The following SAMD12 variants were observed in gnomAD, a reference collection of about 807,000 sequenced individuals.
The protein encoded by SAMD12 is sterile alpha motif domain-containing protein 12.
A neutral mutation model predicts 15.0 loss-of-function variants in SAMD12; 9 were observed. The observed-to-expected ratio is 0.60, with a 90% CI of 0.36 to 1.05. SAMD12 has a LOEUF of 1.05. Among genes scored for constraint, SAMD12 ranks in the 50% least tolerant of loss-of-function variants. The pLI is 0.01. For missense variants in SAMD12, 230 were observed against 234.2 expected, an observed-to-expected ratio of 0.98 and a Z score of 0.12; for synonymous variants, 86 against 90.1, an observed-to-expected ratio of 0.96 and a Z score of 0.25.
intron 3 of SAMD12, among the ~76,000 whole-genome samples, chr8:118,419,695 C>T (rs1217752729): frequency 6.6e-6 from 1 of 152,142 alleles, no homozygotes; most frequent in Non-Finnish European, 1.5e-5. Flanking sequence ...TTTCTATGTG[C>T]TGAACTGATC....
chr8:118,433,244 C>T (rs1006843157), intron 3 of SAMD12, among the ~76,000 whole-genome samples: 2 of 152,304 alleles, frequency 1.3e-5, no homozygotes, highest in East Asian at 1.9e-4. Context: ...AGAGGCAGTG[C>T]TCAGTTGTGC....
chr8:118,543,690 C>T (rs1310189555), intron 2 of SAMD12, among the ~76,000 whole-genome samples: 1 of 131,740 alleles, frequency 7.6e-6, no homozygotes, highest in Non-Finnish European at 1.5e-5. Context: ...TTATGTGTGG[C>T]CCAAGACAAC....
Position 118,620,122 on chromosome 8 carries a change from T to A in SAMD12, c.13+1682A>T, listed in dbSNP as rs141564134. ...CTGGCTTCACTGGTGTAATCACCCA[T>A]CACGCAAGAAATAAGACAAATTTAT... is the stretch of plus-strand genomic sequence containing the variant. On this transcript the variant is annotated intron_variant, in intron 1 of 3. Transcript: ENST00000314727. 3.3e-5 allele frequency among the ~76,000 whole-genome samples: 5 copies of A among 152,282 alleles called. No homozygotes were observed. In the East Asian group the frequency reaches 9.7e-4, roughly 29 times the overall value.
chr8:118,215,668 C>T (rs13280824), intron 4 of SAMD12, among the ~76,000 whole-genome samples: 77,860 of 148,894 alleles, frequency 0.52, 21,626 homozygotes, highest in Non-Finnish European at 0.62. Flanking sequence ...CCTGTGTCCA[C>T]GTGATCTCAT....
chr8:118,434,158 C>A (rs1244673529), intron 3 of SAMD12, among the ~76,000 whole-genome samples: 4 of 152,008 alleles, frequency 2.6e-5, no homozygotes, highest in African/African-American at 9.7e-5. Flanking sequence ...TCAGAACTGC[C>A]CAATTTCAAG....
chr8:118,176,940 T>C, the SAMD12 span, among the ~76,000 whole-genome samples: 10 of 152,302 alleles, frequency 6.6e-5, no homozygotes, highest in Admixed American at 2.0e-4. Context: ...AAAGTGGTCA[T>C]TTGGGTGATG....
intron 1 of SAMD12, among the ~76,000 whole-genome samples, chr8:118,596,889 A>G (rs775901824): frequency 2.0e-5 from 3 of 152,238 alleles, no homozygotes; most frequent in Non-Finnish European, 4.4e-5. Context: ...AAAACTGCAC[A>G]CAGAGCATTG....
intron 4 of SAMD12, among the ~76,000 whole-genome samples, chr8:118,364,957 G>A (rs1818694082): frequency 2.0e-5 from 3 of 151,934 alleles, no homozygotes; most frequent in Admixed American, 6.6e-5. Context: ...TAGATGTCTT[G>A]CCCCCTGTCT....
the SAMD12 span, among the ~76,000 whole-genome samples, chr8:118,135,974 A>C: frequency 5.3e-5 from 8 of 150,884 alleles, no homozygotes; most frequent in Admixed American, 5.3e-4. Flanking sequence ...CTTTGTCCCC[A>C]CTTTGTCTCC....
intron 4 of SAMD12, among the ~76,000 whole-genome samples, chr8:118,329,647 CA>C (rs1232182820): frequency 2.0e-5 from 3 of 152,186 alleles, no homozygotes; most frequent in Non-Finnish European, 4.4e-5. Flanking sequence ...CTAGTGTAAA[CA>C]ATGTACTGCG....
chr8:118,419,165 C>G (rs1821872976), intron 3 of SAMD12, among the ~76,000 whole-genome samples: 1 of 151,226 alleles, frequency 6.6e-6, no homozygotes, highest in Admixed American at 6.6e-5. Flanking sequence ...ATTGACAAAG[C>G]AAAAATGATG....
chr8:118,333,085 A>G (rs1295539583), intron 4 of SAMD12, among the ~76,000 whole-genome samples: 1 of 152,156 alleles, frequency 6.6e-6, no homozygotes, highest in African/African-American at 2.4e-5. Flanking sequence ...ACTCACACAC[A>G]GTTATCGCAG....
In SAMD12 at chr8:118,522,952, T is replaced by C. The variant is rs186489053; in HGVS notation, c.192+57763A>G. 2.1e-3 allele frequency among the ~76,000 whole-genome samples: 317 copies of C among 152,296 alleles called. 4 individuals are homozygous for C. The highest frequency in any genetic ancestry group is 3.7e-3 in the Non-Finnish European group (249 of 68,020). ...TCTCTCTACTTAATAAAATACACAA[T>C]GTTCCAGGCTGTTTTGGTCCTTGGA... On this transcript the variant is annotated intron_variant, in intron 2 of 3. Coordinates refer to ENST00000314727, the MANE Select transcript of SAMD12 (RefSeq NM_207506.3).
intron 2 of SAMD12, among the ~76,000 whole-genome samples, chr8:118,518,800 G>A (rs113074685): frequency 2.0e-5 from 3 of 152,300 alleles, no homozygotes; most frequent in African/African-American, 7.2e-5. Flanking sequence ...GTCTTTCTGA[G>A]ATATCCAAAC....
At chr8:118,148,306 C>T in the SAMD12 span, among the ~76,000 whole-genome samples, 2 of 152,090 alleles carry the variant, frequency 1.3e-5, no homozygotes, top group Admixed American at 1.3e-4. Flanking sequence ...TCAAGAGATC[C>T]TCCTGCCTCA....
At chr8:118,235,741 G>A (rs868635557) in intron 4 of SAMD12, among the ~76,000 whole-genome samples, 1 of 152,120 alleles carries the variant, frequency 6.6e-6, no homozygotes, top group Non-Finnish European at 1.5e-5. Flanking sequence ...ACCATGACTG[G>A]TGATTAGTGT....
At chr8:118,486,867 C>T (rs1169941003) in intron 2 of SAMD12, among the ~76,000 whole-genome samples, 4 of 152,178 alleles carry the variant, frequency 2.6e-5, no homozygotes, top group South Asian at 2.1e-4. Flanking sequence ...CTGAGAGAGG[C>T]GTGGCTGGAG....
intron 4 of SAMD12, among the ~76,000 whole-genome samples, chr8:118,262,690 A>C (rs1319646908): frequency 6.6e-6 from 1 of 152,128 alleles, no homozygotes; most frequent in Non-Finnish European, 1.5e-5. Context: ...ATTTCATGGC[A>C]TTGAAATGAC....
chr8:118,315,593 C>A (rs1815852026), intron 4 of SAMD12, among the ~76,000 whole-genome samples: 1 of 152,106 alleles, frequency 6.6e-6, no homozygotes. Context: ...ACTTGTTACT[C>A]ATATGTGGTT....
Sources: allele counts gnomAD v4.1 joint callset (sites outside exome capture counted in the v4.1 genomes callset), GRCh38; gene constraint gnomAD v4.1.1; transcripts MANE v1.5; gene names NCBI Gene and HGNC (gene_info 2026-07-23, HGNC 2026-07-21).